The following TBC1D13 variants were observed in gnomAD, a reference collection of about 807,000 sequenced individuals.
TBC1D13 encodes the protein TBC1 domain family member 13.
A neutral mutation model predicts 53.6 loss-of-function variants in TBC1D13; 40 were observed. The ratio of observed to expected loss-of-function variants is 0.75; its 90% CI spans 0.58 to 0.97. The LOEUF is 0.97. Ranked by LOEUF, TBC1D13 falls within the 50% of genes least tolerant of loss-of-function variation. TBC1D13 has a pLI of 0.00. For missense variants in TBC1D13, 377 were observed against 499.4 expected (o/e 0.75, Z 2.34); for synonymous variants, 182 against 197.7 (o/e 0.92, Z 0.67).
intron 6 of TBC1D13, among the ~76,000 whole-genome samples, chr9:128,796,279 C>T (rs1197549710): frequency 6.0e-5 from 9 of 150,794 alleles, no homozygotes; most frequent in South Asian, 4.2e-4. Context: ...GACGGAGTTT[C>T]GCTCTTGTTG....
At chr9:128,804,712 T>C (rs949189216) in intron 9 of TBC1D13, among the ~76,000 whole-genome samples, 1 of 124,544 alleles carries the variant, frequency 8.0e-6, no homozygotes, top group African/African-American at 3.4e-5. Context: ...CCCAGCCCTT[T>C]TTTTTCTGTT....
rs957403546 is a variant in TBC1D13, at chr9:128,810,326, A to G, written c.*2447A>G. ...GTATGAATTCAGCGGGTCTCACTCCAGAGGGTCAGAACGTTTGCTTTAGTT... is the reference window on the plus strand; with the variant it reads ...GTATGAATTCAGCGGGTCTCACTCCGGAGGGTCAGAACGTTTGCTTTAGTT... On this transcript the variant is annotated 3_prime_UTR_variant, in exon 12 of 12. Coordinates refer to ENST00000372648, the MANE Select transcript of TBC1D13 (RefSeq NM_018201.5). The G allele has an allele frequency of 6.6e-6, 1 of 152,222 alleles. No individual in the cohort carries two copies. Among genetic ancestry groups the G allele is most frequent in the Non-Finnish European group, 1.5e-5 (1 of 68,042 alleles). 9.4% of individuals were successfully genotyped at this position (152,222 alleles called of 1,614,324 possible).
chr9:128,787,979 C>T lies in TBC1D13; in HGVS notation c.24-355C>T, dbSNP rs1051044150. Among the ~76,000 whole-genome samples, 4 of 152,094 alleles carry T rather than the reference C, an allele frequency of 2.6e-5. No individual in the cohort carries two copies. The South Asian group carries it at 8.3e-4, about 32-fold the overall frequency. The stretch of plus-strand genomic sequence containing the variant: ...CCAAGGAGTTCAGTTGGTGGCTGTG[C>T]GTGGACCCGGCCTGGCCGGCAGGAA... On this transcript the variant is annotated intron_variant, in intron 1 of 11. Transcript: ENST00000372648.
chr9:128,789,103 C>A (rs973047651), intron 2 of TBC1D13, among the ~76,000 whole-genome samples: 7 of 152,078 alleles, frequency 4.6e-5, no homozygotes, highest in African/African-American at 1.4e-4. Context: ...AGGTGGATCA[C>A]CTGAGGTCAG....
At position 128,790,740 on chromosome 9, in the gene TBC1D13, C is replaced by T. The variant is rs767224046; in HGVS notation, c.103C>T (p.Pro35Ser). Residue 35 changes from proline (P) to serine (S), a missense_variant, in exon 3 of 12, where the codon CCC becomes TCC. By Grantham distance (74) the Pro-to-Ser change is moderately conservative (BLOSUM62 -1). Transcript: ENST00000372648. ...KLRELSFSGIPCEGGLRCLCW... is the reference protein window; with the variant it reads ...KLRELSFSGISCEGGLRCLCW... ...TTTGCCTGCTGTGTCCACAGGCATCCCCTGTGAGGGCGGACTGCGGTGCCT... is the reference window on the plus strand; with the variant it reads ...TTTGCCTGCTGTGTCCACAGGCATCTCCTGTGAGGGCGGACTGCGGTGCCT... 1 of 1,552,470 alleles carries T rather than the reference C, an allele frequency of 6.4e-7. No homozygotes were observed. Among genetic ancestry groups the T allele is most frequent in the Non-Finnish European group, 8.6e-7 (1 of 1,157,986 alleles).
chr9:128,802,892 A>C (rs1427753928), intron 7 of TBC1D13, among the ~76,000 whole-genome samples: 1 of 151,530 alleles, frequency 6.6e-6, no homozygotes, highest in African/African-American at 2.4e-5. Context: ...GTGCCTTCAC[A>C]CTCGGCTAAC....
Position 128,803,600 on chromosome 9 carries a change from T to TG in TBC1D13, c.754+141dup, listed in dbSNP as rs1400405878. ...TCATCTCTGAGATCCTTTGCAGCTG[T>TG]GATCTTCTAGAATGTTGGTTGTTTA... On this transcript the variant is annotated intron_variant, in intron 8 of 11. Coordinates refer to ENST00000372648, the MANE Select transcript of TBC1D13 (RefSeq NM_018201.5). 3.8e-6 allele frequency: 3 copies of TG among 779,944 alleles called. No homozygotes were observed. The African/African-American group carries it at 5.2e-5, about 14-fold the overall frequency. 48.3% of individuals were successfully genotyped at this position (779,944 alleles called of 1,614,324 possible). A position where few individuals can be genotyped will look rare whatever the true frequency, so the allele number is the denominator to read the frequency against.
In TBC1D13 at chr9:128,803,283, T is replaced by C; in HGVS notation, c.577T>C (p.Ser193Pro). Residue 193 changes from serine to proline, a missense_variant, in exon 8 of 12, where the codon TCC becomes CCC. Ser to Pro is a moderately conservative substitution (Grantham distance 74, BLOSUM62 -1). Coordinates refer to ENST00000372648, the MANE Select transcript of TBC1D13 (RefSeq NM_018201.5). ...CCCACACAAGAACTCTGTGCCATCA[T>C]CCCTAAATGAGTATGAGGTGCTGCC... is the stretch of plus-strand genomic sequence containing the variant. Reference protein sequence around the residue: ...SSPHKNSVPSSLNEYEVLPNG... With the variant: ...SSPHKNSVPSPLNEYEVLPNG... 1.2e-6 allele frequency: 2 copies of C among 1,614,154 alleles called. No homozygotes were observed. The highest frequency in any genetic ancestry group is 1.7e-6 in the Non-Finnish European group (2 of 1,180,026).
rs766584122 is a variant in TBC1D13 at position 128,803,969 on chromosome 9, A to C, written c.768A>C (p.Ala256=). The C allele has an allele frequency of 1.2e-6, 2 of 1,613,230 alleles. No individual in the cohort carries two copies. The highest frequency in any genetic ancestry group is 2.2e-5 in the South Asian group (2 of 91,028). Residue 256 remains alanine, a synonymous_variant, in exon 9 of 12, where the codon GCA becomes GCC. Transcript: ENST00000372648. ...PNSEWKEHAE[A]DTFFCFTNLM... is the part of the protein sequence containing the mutation. ...GCTCTCTCCCAGAGCACGCCGAGGC[A>C]GACACCTTTTTCTGCTTCACCAACC...
intron 5 of TBC1D13, 108 bp from the exon 6 acceptor site, chr9:128,792,384 T>C (rs757940738): frequency 3.4e-6 from 3 of 882,568 alleles, no homozygotes; most frequent in Non-Finnish European, 3.6e-6. Context: ...CACACCTCAG[T>C]GTGCAGTGGG....
intron 9 of TBC1D13, among the ~76,000 whole-genome samples, chr9:128,804,421 T>G (rs1248722090): frequency 2.6e-5 from 4 of 151,928 alleles, no homozygotes; most frequent in Non-Finnish European, 5.9e-5. Context: ...TTTTTTTTTT[T>G]TTTGAGATGG....
chr9:128,795,703 G>A (rs137922493), intron 6 of TBC1D13, among the ~76,000 whole-genome samples: 73 of 151,838 alleles, frequency 4.8e-4, no homozygotes, highest in Middle Eastern at 6.8e-3. Context: ...CTCGTGATCC[G>A]CCTGCCTTGG....
At chr9:128,804,734 T>TTTTTTG (rs1829799874) in intron 9 of TBC1D13, among the ~76,000 whole-genome samples, 1 of 124,540 alleles carries the variant, frequency 8.0e-6, no homozygotes, top group Non-Finnish European at 1.6e-5. Flanking sequence ...TTTTTTTTTT[T>TTTTTTG]TTTTTTTTTT....
At position 128,791,602 on chromosome 9, in the gene TBC1D13, A is replaced by C. The variant is rs753437212; in HGVS notation, c.209A>C (p.Tyr70Ser). 2 of 1,614,050 alleles carry C rather than the reference A, an allele frequency of 1.2e-6. No individual in the cohort carries two copies. Among genetic ancestry groups the C allele is most frequent in the African/African-American group, 2.7e-5 (2 of 74,940 alleles). The change falls in exon 5 of 12, where the codon TAT (tyrosine) becomes TCT (serine). Residue 70 changes from tyrosine (Y) to serine (S), a missense_variant. Coordinates refer to ENST00000372648, the MANE Select transcript of TBC1D13 (RefSeq NM_018201.5). ...TCACTTGTCTCCTGCAGGGAGCTGT[A>C]TGCCCAGTTCCTGAGGGAAATGATC... Reference protein sequence around the residue: ...TSILAKQRELYAQFLREMIIQ... With the variant: ...TSILAKQRELSAQFLREMIIQ...
intron 6 of TBC1D13, among the ~76,000 whole-genome samples, chr9:128,795,824 CTCAAGTGA>C (rs1829620717): frequency 2.0e-5 from 3 of 151,700 alleles, no homozygotes; most frequent in Admixed American, 6.6e-5. Flanking sequence ...AACTCCTGGG[CTCAAGTGA>C]TCCCTCCTGC....
intron 7 of TBC1D13, among the ~76,000 whole-genome samples, chr9:128,800,273 TC>T (rs1223328740): frequency 6.6e-6 from 1 of 151,848 alleles, no homozygotes; most frequent in Non-Finnish European, 1.5e-5. Context: ...TTTACAAAGT[TC>T]CCAAGGGATC....
chr9:128,795,824 C>T (rs2132538617), intron 6 of TBC1D13, among the ~76,000 whole-genome samples: 1 of 151,818 alleles, frequency 6.6e-6, no homozygotes, highest in East Asian at 2.0e-4. Flanking sequence ...AACTCCTGGG[C>T]TCAAGTGATC....
At chr9:128,807,497 G>T (rs1301625844) in intron 11 of TBC1D13, among the ~76,000 whole-genome samples, 8 of 152,360 alleles carry the variant, frequency 5.3e-5, no homozygotes, top group African/African-American at 1.7e-4. Context: ...CACTGGCCCA[G>T]TCCTACTGGC....
At chr9:128,805,743 A>G (rs1176681088) in intron 9 of TBC1D13, 116 bp from the exon 10 acceptor site, 1 of 1,201,974 alleles carries the variant, frequency 8.3e-7, no homozygotes, top group East Asian at 2.6e-5. Flanking sequence ...CCTGGTGCTC[A>G]CACCTGGCAT....
Sources: allele counts gnomAD v4.1 joint callset (sites outside exome capture counted in the v4.1 genomes callset), GRCh38; gene constraint gnomAD v4.1.1; transcripts MANE v1.5; gene names NCBI Gene and HGNC (gene_info 2026-07-23, HGNC 2026-07-21).